DLGAP2: variants seen among roughly 807,000 people sequenced by gnomAD.
DLGAP2 encodes DLG associated protein 2.
In DLGAP2, 26 loss-of-function variants were observed where a neutral mutation model predicts 100.3. The observed-to-expected ratio is 0.26, with a 90% CI of 0.19 to 0.36. The LOEUF (loss-of-function observed/expected upper bound fraction) is 0.36. Among genes scored for constraint, DLGAP2 ranks in the 10% least tolerant of loss-of-function variants. The pLI is 1.00. For missense variants in DLGAP2, 1,858 were observed against 1,453.2 expected (o/e 1.28, Z -4.53); for synonymous variants, 886 against 630.1 (o/e 1.41, Z -6.08).
At chr8:1,557,459 A>G (rs941354003) in intron 5 of DLGAP2, among the ~76,000 whole-genome samples, 2 of 152,056 alleles carry the variant, frequency 1.3e-5, no homozygotes, top group Non-Finnish European at 2.9e-5. Flanking sequence ...GGCAGAGGGC[A>G]GGGGTGAGCA....
At chr8:919,466 C>G (rs920709661) in intron 2 of DLGAP2, among the ~76,000 whole-genome samples, 2 of 152,020 alleles carry the variant, frequency 1.3e-5, no homozygotes, top group African/African-American at 4.8e-5. Flanking sequence ...GATGAGCTCC[C>G]CCACTGCTGA....
intron 12 of DLGAP2, among the ~76,000 whole-genome samples, chr8:1,688,970 G>A (rs1054709659): frequency 1.3e-5 from 2 of 152,116 alleles, no homozygotes; most frequent in Admixed American, 6.6e-5. Flanking sequence ...TCTTTTTCCC[G>A]AAAGTCGGGC....
intron 2 of DLGAP2, among the ~76,000 whole-genome samples, chr8:1,036,656 G>C (rs983586556): frequency 6.6e-6 from 1 of 152,116 alleles, no homozygotes; most frequent in African/African-American, 2.4e-5. Flanking sequence ...GCAGGGCCTT[G>C]AACCGTGCAC....
At position 965,119 on chromosome 8, in the gene DLGAP2, C is replaced by T. The variant is rs73673037; in HGVS notation, c.73+57153C>T. On this transcript the variant is annotated intron_variant, in intron 2 of 14. Coordinates refer to ENST00000637795, the MANE Select transcript of DLGAP2 (RefSeq NM_001346810.2). Reference sequence around the variant, plus strand: ...CACACACGCGGCTCCAGAGCCCGACCCCCGCATGCACACGGCGCTGTTCAC... The same window carrying T: ...CACACACGCGGCTCCAGAGCCCGACTCCCGCATGCACACGGCGCTGTTCAC... Among the ~76,000 whole-genome samples the T allele has an allele frequency of 2.7e-5, 4 of 149,332 alleles. No individual in the cohort carries two copies. The South Asian group carries it at 6.4e-4, about 24-fold the overall frequency.
intron 3 of DLGAP2, among the ~76,000 whole-genome samples, chr8:1,341,757 G>C (rs772261695): frequency 6.6e-6 from 1 of 152,154 alleles, no homozygotes; most frequent in African/African-American, 2.4e-5. Context: ...GTGCTAGCAG[G>C]TGTCATTTCC....
At chr8:1,387,827 G>A (rs1470986385) in intron 3 of DLGAP2, among the ~76,000 whole-genome samples, 1 of 152,218 alleles carries the variant, frequency 6.6e-6, no homozygotes, top group East Asian at 1.9e-4. Flanking sequence ...GCATGAAATT[G>A]TCCAGGAGGC....
At chr8:1,562,960 C>T (rs868120159) in intron 5 of DLGAP2, among the ~76,000 whole-genome samples, 2 of 76,576 alleles carry the variant, frequency 2.6e-5, no homozygotes, top group African/African-American at 6.0e-5. Flanking sequence ...CGGGTGTCCG[C>T]GCCTCGTTAC....
chr8:1,641,070 G>GGGTGTCGT (rs1328889333), intron 8 of DLGAP2, among the ~76,000 whole-genome samples: 1 of 152,136 alleles, frequency 6.6e-6, no homozygotes, highest in Non-Finnish European at 1.5e-5. Context: ...GGTAAGGGTC[G>GGGTGTCGT]GGTGTCGGAG....
intron 2 of DLGAP2, among the ~76,000 whole-genome samples, chr8:1,037,638 CA>C (rs1286601858): frequency 1.3e-5 from 2 of 152,216 alleles, no homozygotes; most frequent in Admixed American, 1.3e-4. Flanking sequence ...AATGCTGACA[CA>C]GTGTTTAGTG....
intron 2 of DLGAP2, among the ~76,000 whole-genome samples, chr8:1,236,295 G>C (rs1277179681): frequency 4.3e-5 from 2 of 46,874 alleles, no homozygotes; most frequent in Non-Finnish European, 8.3e-5. Context: ...ATGGCGCCGT[G>C]TCTAGTTCTC....
At chr8:1,283,166 G>T (rs1261284969) in intron 3 of DLGAP2, among the ~76,000 whole-genome samples, 1 of 150,416 alleles carries the variant, frequency 6.6e-6, no homozygotes, top group Non-Finnish European at 1.5e-5. Flanking sequence ...TCTGGACGTG[G>T]TGTGACCTGA....
At chr8:1,566,303 T>C (rs756916116) in intron 6 of DLGAP2, among the ~76,000 whole-genome samples, 1 of 152,230 alleles carries the variant, frequency 6.6e-6, no homozygotes, top group Non-Finnish European at 1.5e-5. Context: ...GTAAGTGCAT[T>C]TCTAGGCAAC....
At chr8:1,653,082 C>G (rs1798203506) in intron 8 of DLGAP2, among the ~76,000 whole-genome samples, 1 of 152,194 alleles carries the variant, frequency 6.6e-6, no homozygotes. Context: ...TGAAACACAT[C>G]TATTTCGACG....
chr8:1,220,244 T>C (rs192093193), intron 2 of DLGAP2, among the ~76,000 whole-genome samples: 18 of 152,314 alleles, frequency 1.2e-4, no homozygotes, highest in Admixed American at 9.2e-4. Flanking sequence ...TGTAATCATT[T>C]AGTGCTAGAA....
chr8:1,157,746 C>T (rs1011363306), intron 2 of DLGAP2, among the ~76,000 whole-genome samples: 2 of 152,220 alleles, frequency 1.3e-5, no homozygotes, highest in African/African-American at 4.8e-5. Flanking sequence ...CAGCCACCCA[C>T]CTATGCGTGG....
chr8:1,032,380 G>C (rs1011846743), intron 2 of DLGAP2, among the ~76,000 whole-genome samples: 3 of 152,170 alleles, frequency 2.0e-5, no homozygotes, highest in Admixed American at 1.3e-4. Flanking sequence ...GGCTCCCAGC[G>C]ATTTCTCCAC....
chr8:1,302,534 C>T (rs547659484), intron 3 of DLGAP2: 2 of 151,966 alleles, frequency 1.3e-5, no homozygotes, highest in Non-Finnish European at 2.9e-5. Flanking sequence ...CTGCTCCATA[C>T]CCGGGACTGG....
Position 1,191,416 on chromosome 8 carries a change from C to A in DLGAP2, c.74-67435C>A, listed in dbSNP as rs578169633. Among the ~76,000 whole-genome samples the A allele has an allele frequency of 3.2e-4, 49 of 152,226 alleles. No homozygotes were observed. In the East Asian group the frequency reaches 4.6e-3, roughly 14 times the overall value. On this transcript the variant is annotated intron_variant, in intron 2 of 14. Transcript: ENST00000637795. Reference sequence around the variant, plus strand: ...TGATCTCCTGACCTTGTGATCTGCCCGCCTCAGCCTCCCAAAGTGCGGGGA... The same window carrying A: ...TGATCTCCTGACCTTGTGATCTGCCAGCCTCAGCCTCCCAAAGTGCGGGGA...
intron 6 of DLGAP2, among the ~76,000 whole-genome samples, chr8:1,589,304 G>T (rs1055762319): frequency 3.9e-5 from 6 of 152,150 alleles, no homozygotes; most frequent in African/African-American, 1.4e-4. Flanking sequence ...TCCTTGTATT[G>T]CAGTTACCAT....
Sources: gnomAD v4.1 joint callset for allele counts (sites outside exome capture counted in the v4.1 genomes callset) on GRCh38, gnomAD v4.1.1 for gene constraint, MANE v1.5 for transcripts, NCBI Gene and HGNC (gene_info 2026-07-23, HGNC 2026-07-21) for gene names.